The following APBB2 variants were observed in gnomAD, a reference collection of about 807,000 sequenced individuals.
APBB2 encodes the protein amyloid beta precursor protein binding family B member 2.
A neutral mutation model predicts 82.5 loss-of-function variants in APBB2; 38 were observed. The ratio of observed to expected loss-of-function variants is 0.46; its 90% CI spans 0.36 to 0.60. APBB2 has a LOEUF of 0.60. APBB2 is among the 20% of genes least tolerant of loss of function. The probability of loss-of-function intolerance (pLI) is 0.00; values close to 1 mark genes in which losing one functional copy is unlikely to be tolerated. For synonymous variants in APBB2, 341 were observed against 368.2 expected, an observed-to-expected ratio of 0.93 and a Z score of 0.85; for missense variants, 772 against 972.3, an observed-to-expected ratio of 0.79 and a Z score of 2.74.
intron 3 of APBB2, among the ~76,000 whole-genome samples, chr4:41,075,216 T>C (rs868639926): frequency 1.3e-5 from 2 of 152,230 alleles, no homozygotes; most frequent in Non-Finnish European, 2.9e-5. Context: ...TTTGAATTGA[T>C]TGCCCTTTGA....
intron 3 of APBB2, among the ~76,000 whole-genome samples, chr4:41,076,232 G>A (rs956841159): frequency 3.3e-5 from 5 of 152,246 alleles, no homozygotes; most frequent in Admixed American, 2.0e-4. Flanking sequence ...TGAGGAAAGT[G>A]TAAGTTAAGA....
At chr4:40,912,128 T>C (rs1324672035) in intron 10 of APBB2, among the ~76,000 whole-genome samples, 1 of 152,146 alleles carries the variant, frequency 6.6e-6, no homozygotes, top group African/African-American at 2.4e-5. Context: ...GAAATAGAGA[T>C]TGTCTTATGG....
chr4:41,143,104 G>A lies in APBB2; in HGVS notation c.-378C>T, dbSNP rs1759700556. ...GGGCAGATCCGACCACAGCATGCTTGGCTACAGACCACAGCAGCTCACCCA... is the reference window on the plus strand; with the variant it reads ...GGGCAGATCCGACCACAGCATGCTTAGCTACAGACCACAGCAGCTCACCCA... On this transcript the variant is annotated 5_prime_UTR_variant, in exon 2 of 18. Coordinates refer to ENST00000508593, the MANE Select transcript of APBB2 (RefSeq NM_004307.2). The A allele has an allele frequency of 2.6e-5, 4 of 152,270 alleles. No individual in the cohort carries two copies. The highest frequency in any genetic ancestry group is 6.8e-3 in the Middle Eastern group (2 of 294). The allele number at this position is 152,270 out of a possible 1,614,324, so 9.4% of individuals were successfully genotyped here.
chr4:40,815,930 G>T lies in APBB2; in HGVS notation c.*162C>A. The T allele has an allele frequency of 1.3e-6, 1 of 765,256 alleles. No individual in the cohort carries two copies. Among genetic ancestry groups the T allele is most frequent in the Non-Finnish European group, 2.1e-6 (1 of 470,708 alleles). The allele number at this position is 765,256 out of a possible 1,614,324, so 47.4% of individuals were successfully genotyped here. The stretch of plus-strand genomic sequence containing the variant: ...CTTCTTTTCATATCACATGATGGTG[G>T]CAAGACGAGAGAACATGCTTGTCTA... On this transcript the variant is annotated 3_prime_UTR_variant, in exon 18 of 18. Coordinates refer to ENST00000508593, the MANE Select transcript of APBB2 (RefSeq NM_004307.2).
At chr4:41,026,787 C>T (rs908554580) in intron 5 of APBB2, among the ~76,000 whole-genome samples, 2 of 152,166 alleles carry the variant, frequency 1.3e-5, no homozygotes, top group Admixed American at 6.5e-5. Context: ...CACTCATATA[C>T]AAGTTTTTCT....
At chr4:40,868,246 G>A (rs1433138810) in intron 12 of APBB2, among the ~76,000 whole-genome samples, 1 of 152,156 alleles carries the variant, frequency 6.6e-6, no homozygotes, top group African/African-American at 2.4e-5. Flanking sequence ...CAGACCTACT[G>A]AATTAATCAG....
chr4:40,924,267 T>A (rs937429396), intron 10 of APBB2, among the ~76,000 whole-genome samples: 1 of 152,246 alleles, frequency 6.6e-6, no homozygotes, highest in African/African-American at 2.4e-5. Context: ...GGTTTCGTGA[T>A]TCAACCATGT....
intron 2 of APBB2, among the ~76,000 whole-genome samples, chr4:41,121,285 T>A (rs1752726885): frequency 6.6e-6 from 1 of 152,258 alleles, no homozygotes; most frequent in African/African-American, 2.4e-5. Flanking sequence ...TGAATTTTTA[T>A]CAGGAATGGA....
At chr4:40,843,226 T>C (rs1385621381) in intron 12 of APBB2, among the ~76,000 whole-genome samples, 2 of 152,168 alleles carry the variant, frequency 1.3e-5, no homozygotes, top group Non-Finnish European at 2.9e-5. Flanking sequence ...AAACCCAATG[T>C]TTACAGAAAC....
intron 2 of APBB2, among the ~76,000 whole-genome samples, chr4:41,132,213 A>C (rs1310428625): frequency 1.3e-5 from 2 of 152,140 alleles, no homozygotes; most frequent in Non-Finnish European, 2.9e-5. Flanking sequence ...ACTCAAACTA[A>C]GCCAAAGGAG....
chr4:41,102,714 T>G (rs1417712032), intron 2 of APBB2, among the ~76,000 whole-genome samples: 4 of 152,220 alleles, frequency 2.6e-5, no homozygotes, highest in African/African-American at 9.7e-5. Context: ...GTAATCCGTC[T>G]GCCACCACTT....
At chr4:40,954,856 G>A (rs1390920674) in intron 6 of APBB2, among the ~76,000 whole-genome samples, 1 of 152,098 alleles carries the variant, frequency 6.6e-6, no homozygotes, top group Non-Finnish European at 1.5e-5. Context: ...ATAGAGTCAG[G>A]GTTCCACCAT....
chr4:40,919,562 C>A (rs1264467135), intron 10 of APBB2, among the ~76,000 whole-genome samples: 1 of 152,218 alleles, frequency 6.6e-6, no homozygotes, highest in Non-Finnish European at 1.5e-5. Context: ...GATTCCCAGG[C>A]TCAGAGAATG....
At position 40,832,011 on chromosome 4, in the gene APBB2, T is replaced by TACACACAC. The variant is rs1386389411; in HGVS notation, c.1530-1435_1530-1434insGTGTGTGT. 1.5e-3 allele frequency among the ~76,000 whole-genome samples: 73 copies of TACACACAC among 49,564 alleles called. No homozygotes were observed. The highest frequency in any genetic ancestry group is 2.5e-3 in the African/African-American group (48 of 19,144). The allele number at this position is 49,564 out of a possible 152,430, so 32.5% of individuals were successfully genotyped here. On this transcript the variant is annotated intron_variant, in intron 12 of 17. Transcript: ENST00000508593. The surrounding 1 kb of genome is among the most constrained non-coding windows in gnomAD (Gnocchi z 4.8). ...ACACACATATTTATATATTTATTTA[T>TACACACAC]ATACACACACACACACACACACACA...
intron 12 of APBB2, among the ~76,000 whole-genome samples, chr4:40,855,399 G>A (rs754033128): frequency 2.0e-5 from 3 of 152,274 alleles, no homozygotes; most frequent in East Asian, 1.9e-4. Context: ...ACAACGTGGC[G>A]GCTGTTAGAA....
rs75411369 is a variant in APBB2 at position 41,212,037 on chromosome 4, G to A, written c.-417+2368C>T. Among the ~76,000 whole-genome samples the A allele has an allele frequency of 2.6e-4, 39 of 152,156 alleles. 1 individual carries two copies. The East Asian group carries it at 7.3e-3, about 29-fold the overall frequency. On this transcript the variant is annotated intron_variant, in intron 1 of 17. Coordinates refer to ENST00000508593, the MANE Select transcript of APBB2 (RefSeq NM_004307.2). ...CTTAAAAGATAAATTTAGATATCCA[G>A]TACTCAGGATAGTCCACACACATCA...
chr4:40,911,502 T>C (rs1015216675), intron 10 of APBB2, among the ~76,000 whole-genome samples: 7 of 152,196 alleles, frequency 4.6e-5, no homozygotes, highest in African/African-American at 1.7e-4. Flanking sequence ...AAAATATCGA[T>C]TCAGTCGGGG....
chr4:41,191,043 TTGGCAGG>T (rs1774288028), intron 1 of APBB2, among the ~76,000 whole-genome samples: 1 of 152,160 alleles, frequency 6.6e-6, no homozygotes, highest in Non-Finnish European at 1.5e-5. Flanking sequence ...GAGGAGAAGC[TTGGCAGG>T]GACCCAGCGG....
intron 3 of APBB2, among the ~76,000 whole-genome samples, chr4:41,071,537 C>T (rs1733884253): frequency 6.6e-6 from 1 of 152,004 alleles, no homozygotes; most frequent in Non-Finnish European, 1.5e-5. Flanking sequence ...AAAAATTAGC[C>T]AGGCGTGGTG....
Sources: allele counts gnomAD v4.1 joint callset (sites outside exome capture counted in the v4.1 genomes callset), GRCh38; gene constraint gnomAD v4.1.1; non-coding constraint Gnocchi (gnomAD v3.1); transcripts MANE v1.5; gene names NCBI Gene and HGNC (gene_info 2026-07-23, HGNC 2026-07-21).